AUTS2: variants seen among roughly 807,000 people sequenced by gnomAD.
The protein encoded by AUTS2 is activator of transcription and developmental regulator AUTS2, also known as autism susceptibility gene 2 protein.
A neutral mutation model predicts 112.4 loss-of-function variants in AUTS2; 17 were observed. The observed-to-expected ratio is 0.15, with a 90% CI of 0.10 to 0.23. AUTS2 has a LOEUF of 0.23. Ranked by LOEUF, AUTS2 falls within the 10% of genes least tolerant of loss-of-function variation. The pLI is 1.00. For synonymous variants in AUTS2, 751 were observed against 702.7 expected, an observed-to-expected ratio of 1.07 and a Z score of -1.09; for missense variants, 1,510 against 1,701.6, an observed-to-expected ratio of 0.89 and a Z score of 1.98.
intron 2 of AUTS2, among the ~76,000 whole-genome samples, chr7:70,065,498 A>G (rs1802446587): frequency 6.6e-6 from 1 of 152,132 alleles, no homozygotes; most frequent in Admixed American, 6.6e-5. Context: ...GTTCAAGACC[A>G]GCCCGAGTAA....
intron 2 of AUTS2, among the ~76,000 whole-genome samples, chr7:69,914,366 C>CAG (rs1562965605): frequency 6.7e-6 from 1 of 149,656 alleles, no homozygotes; most frequent in African/African-American, 2.5e-5. Context: ...GACACACACA[C>CAG]ACACACACAC....
At chr7:70,486,422 A>G (rs1247765114) in intron 5 of AUTS2, among the ~76,000 whole-genome samples, 1 of 152,224 alleles carries the variant, frequency 6.6e-6, no homozygotes, top group East Asian at 1.9e-4. Context: ...TGTCAGGCCA[A>G]AGTTAGTGCT....
chr7:69,778,681 G>T (rs577268955), intron 1 of AUTS2, among the ~76,000 whole-genome samples: 5 of 152,268 alleles, frequency 3.3e-5, no homozygotes, highest in African/African-American at 1.2e-4. Flanking sequence ...TAAAGTTAAT[G>T]CTGGGAACAA....
chr7:69,955,577 G>A (rs866056986), intron 2 of AUTS2, among the ~76,000 whole-genome samples: 36 of 152,170 alleles, frequency 2.4e-4, no homozygotes, highest in African/African-American at 7.5e-4. Flanking sequence ...ACCGCTCAGT[G>A]GCAGAGGGCT....
intron 2 of AUTS2, among the ~76,000 whole-genome samples, chr7:70,011,679 C>T (rs751586265): frequency 7.2e-5 from 11 of 152,128 alleles, no homozygotes; most frequent in Non-Finnish European, 1.5e-4. Flanking sequence ...GTGGCCGGAA[C>T]AAGCAGTTCT....
At chr7:70,587,930 C>A (rs1381841267) in intron 5 of AUTS2, among the ~76,000 whole-genome samples, 2 of 152,178 alleles carry the variant, frequency 1.3e-5, no homozygotes, top group Admixed American at 1.3e-4. Context: ...GGAATTTGAA[C>A]AAGGTACTCC....
intron 1 of AUTS2, among the ~76,000 whole-genome samples, chr7:69,645,420 C>T (rs573561050): frequency 3.3e-5 from 5 of 152,200 alleles, no homozygotes; most frequent in East Asian, 1.9e-4. Flanking sequence ...GGAAGTCCAT[C>T]CCTTTCATTT....
At chr7:69,730,269 T>C (rs1786733480) in intron 1 of AUTS2, among the ~76,000 whole-genome samples, 2 of 152,114 alleles carry the variant, frequency 1.3e-5, no homozygotes, top group Admixed American at 1.3e-4. Flanking sequence ...CCAAGTTTGT[T>C]CTTTTTTATT....
chr7:69,670,250 T>C (rs1362825205), intron 1 of AUTS2, among the ~76,000 whole-genome samples: 2 of 152,156 alleles, frequency 1.3e-5, no homozygotes, highest in Non-Finnish European at 1.5e-5. Context: ...GTGTGTTAAC[T>C]CCTCTCTGAT....
In AUTS2 at chr7:69,602,020, G is replaced by GTATATATATATATA. The variant is rs1173266676; in HGVS notation, c.309+2066_309+2079dup. ...GACAAGTAGGGATATATGTGTGTGT[G>GTATATATATATATA]TATATATATATATATATATATGTGT... On this transcript the variant is annotated intron_variant, in intron 1 of 18. Coordinates refer to ENST00000342771, the MANE Select transcript of AUTS2 (RefSeq NM_015570.4). Among the ~76,000 whole-genome samples the GTATATATATATATA allele has an allele frequency of 4.7e-4, 32 of 68,312 alleles. 1 individual carries two copies. The highest frequency in any genetic ancestry group is 8.0e-4 in the African/African-American group (16 of 20,078). The allele number at this position is 68,312 out of a possible 152,430, so 44.8% of individuals were successfully genotyped here. A position where few individuals can be genotyped will look rare whatever the true frequency, so the allele number is the denominator to read the frequency against.
intron 2 of AUTS2, among the ~76,000 whole-genome samples, chr7:70,014,334 G>A (rs1799935255): frequency 6.6e-6 from 1 of 152,088 alleles, no homozygotes; most frequent in African/African-American, 2.4e-5. Context: ...AAAAGGAAAG[G>A]CCAAACCATG....
intron 1 of AUTS2, among the ~76,000 whole-genome samples, chr7:69,662,964 C>G (rs1223853965): frequency 6.6e-6 from 1 of 152,050 alleles, no homozygotes; most frequent in Non-Finnish European, 1.5e-5. Context: ...TAGATCAGAC[C>G]AGAAGAAAAT....
intron 1 of AUTS2, among the ~76,000 whole-genome samples, chr7:69,634,596 C>T (rs976525997): frequency 2.6e-5 from 4 of 152,058 alleles, no homozygotes; most frequent in African/African-American, 9.7e-5. Flanking sequence ...GAGAGGGACC[C>T]GAACTGTGAA....
At chr7:70,374,356 A>G (rs149910396) in intron 4 of AUTS2, among the ~76,000 whole-genome samples, 9 of 152,314 alleles carry the variant, frequency 5.9e-5, no homozygotes, top group African/African-American at 1.9e-4. Context: ...AAACCTATCT[A>G]TTAGGATTAA....
intron 6 of AUTS2, among the ~76,000 whole-genome samples, chr7:70,734,338 G>A (rs982743392): frequency 3.9e-5 from 6 of 152,086 alleles, no homozygotes; most frequent in Non-Finnish European, 5.9e-5. Context: ...TACTCGGGGG[G>A]CTGAGGCAGG....
chr7:70,687,708 A>G (rs139928285), intron 5 of AUTS2, among the ~76,000 whole-genome samples: 95 of 152,318 alleles, frequency 6.2e-4, no homozygotes, highest in African/African-American at 2.1e-3. Context: ...CAGTACGAGC[A>G]TGAGCTATTG....
intron 1 of AUTS2, among the ~76,000 whole-genome samples, chr7:69,762,600 T>C (rs1354640272): frequency 6.6e-6 from 1 of 152,192 alleles, no homozygotes; most frequent in Non-Finnish European, 1.5e-5. Flanking sequence ...CGAGCCATTA[T>C]GCCTAAACAG....
chr7:69,800,775 A>G (rs974102303), intron 1 of AUTS2, among the ~76,000 whole-genome samples: 1 of 152,122 alleles, frequency 6.6e-6, no homozygotes, highest in Non-Finnish European at 1.5e-5. Flanking sequence ...CTCCAGGGTC[A>G]AATAGATCTT....
intron 1 of AUTS2, among the ~76,000 whole-genome samples, chr7:69,778,879 A>G (rs542830306): frequency 6.6e-6 from 1 of 152,030 alleles, no homozygotes; most frequent in East Asian, 1.9e-4. Context: ...GTTTATCCTA[A>G]CAAGCTTAGA....
Sources: allele counts gnomAD v4.1 joint callset (sites outside exome capture counted in the v4.1 genomes callset), GRCh38; gene constraint gnomAD v4.1.1; transcripts MANE v1.5; gene names NCBI Gene and HGNC (gene_info 2026-07-23, HGNC 2026-07-21).